Variants in TTN observed in about 807,000 individuals in gnomAD.
TTN encodes the protein connectin.
TTN carries 1,525 observed loss-of-function variants against 3,223.0 expected under a neutral mutation model. The observed-to-expected ratio is 0.47, with a 90% CI of 0.45 to 0.49. TTN has a LOEUF of 0.49. Ranked by LOEUF, TTN falls within the 20% of genes least tolerant of loss-of-function variation. The probability of loss-of-function intolerance (pLI) is 0.00; values close to 1 mark genes in which losing one functional copy is unlikely to be tolerated. For synonymous variants in TTN, 14,094 were observed against 15,161.0 expected, an observed-to-expected ratio of 0.93 and a Z score of 5.17; for missense variants, 40,786 against 43,424.0, an observed-to-expected ratio of 0.94 and a Z score of 5.40.
intron 54 of TTN, 58 bp from the exon 55 acceptor site, chr2:178,733,179 C>T: frequency 1.9e-6 from 3 of 1,557,200 alleles, no homozygotes; most frequent in Non-Finnish European, 2.6e-6. Context: ...CAGTGATTGA[C>T]TTTAGGCCAT....
In TTN at chr2:178,718,731, C is replaced by T. The variant is rs753025964; in HGVS notation, c.24469G>A (p.Gly8157Ser). Reference sequence around the variant, plus strand: ...AGATGTGTGGTACAGGAAGCACTGCCAGCATCATTTGTAACGAGGCAAGAA... The same window carrying T: ...AGATGTGTGGTACAGGAAGCACTGCTAGCATCATTTGTAACGAGGCAAGAA... Reference protein sequence around the residue: ...DYSCLVTNDAGSASCTTHLFV... With the variant: ...DYSCLVTNDASSASCTTHLFV... The change falls in exon 84 of 363, where the codon GGC becomes AGC. Residue 8157 changes from glycine (G) to serine (S), a missense_variant. Transcript: ENST00000589042. 1.5e-5 allele frequency: 24 copies of T among 1,613,710 alleles called. No homozygotes were observed. Among genetic ancestry groups the T allele is most frequent in the Non-Finnish European group, 2.0e-5 (24 of 1,179,732 alleles).
At position 178,570,116 on chromosome 2, in the gene TTN, T is replaced by C. The variant is rs1485371555; in HGVS notation, c.76016A>G (p.Tyr25339Cys). 1.2e-6 allele frequency: 2 copies of C among 1,613,438 alleles called. No individual in the cohort carries two copies. Among genetic ancestry groups the C allele is most frequent in the South Asian group, 1.1e-5 (1 of 91,068 alleles). ...ASDGGSEILGYVLEKRDKEGI... is the reference protein window; with the variant it reads ...ASDGGSEILGCVLEKRDKEGI... ...TTCTTTATCCCGTTTCTCAAGAACA[T>C]ATCCAAGAATTTCACTACCACCATC... Residue 25339 changes from tyrosine (Y) to cysteine (C), a missense_variant, in exon 326 of 363, where the codon TAT becomes TGT. Transcript: ENST00000589042.
rs746586991 is a variant in TTN at position 178,577,593 on chromosome 2, T to C, written c.68824+9A>G. 3.2e-6 allele frequency: 5 copies of C among 1,569,906 alleles called. No individual in the cohort carries two copies. The highest frequency in any genetic ancestry group is 3.4e-6 in the Non-Finnish European group (4 of 1,161,494). On this transcript the variant is annotated intron_variant, in intron 323 of 362. Coordinates refer to ENST00000589042, the MANE Select transcript of TTN (RefSeq NM_001267550.2). ...AAAAAAAAGTACATAAAAAGTAAAA[T>C]GGACCTACCGTATTCATCCTTGCAA...
At position 178,632,216 on chromosome 2, in the gene TTN, T is replaced by C. The variant is rs2059893136; in HGVS notation, c.43678A>G (p.Ile14560Val). The change falls in exon 236 of 363, where the codon ATT becomes GTT. Residue 14560 changes from isoleucine to valine, a missense_variant. Physicochemically the swap from Ile to Val is conservative, Grantham distance 29 (BLOSUM62 3). Transcript: ENST00000589042. ...ACTCTAATTTGGGAGGTGTCATCAA[T>C]AGACAGGTCTTTGAATGTGATCGAA... ...THSITFKDLSIDDTSQIRVEA... is the reference protein window; with the variant it reads ...THSITFKDLSVDDTSQIRVEA... 4.4e-6 allele frequency: 7 copies of C among 1,608,100 alleles called. No individual in the cohort carries two copies. The highest frequency in any genetic ancestry group is 1.1e-5 in the South Asian group (1 of 89,968).
intron 113 of TTN, 88 bp downstream of exon 113, chr2:178,697,033 T>G: frequency 1.7e-6 from 2 of 1,200,598 alleles, no homozygotes; most frequent in Non-Finnish European, 2.4e-6. Context: ...TTTCAATAAG[T>G]TGGAAGCCTA....
intron 198 of TTN, 30 bp from the exon 199 acceptor site, chr2:178,653,154 A>G: frequency 6.2e-7 from 1 of 1,609,388 alleles, no homozygotes; most frequent in African/African-American, 1.4e-5. Flanking sequence ...AATTACATTT[A>G]GGGGTTATGA....
At position 178,750,599 on chromosome 2, in the gene TTN, G is replaced by A. The variant is rs765947828; in HGVS notation, c.11311+2525C>T. 3 of 1,612,228 alleles carry A rather than the reference G, an allele frequency of 1.9e-6. No individual in the cohort carries two copies. The highest frequency in any genetic ancestry group is 3.3e-5 in the Admixed American group (2 of 59,742). On this transcript the variant is annotated intron_variant, in intron 47 of 362. Transcript: ENST00000589042. ...GCAACGTTGTGGGCGTTTTCGAAAAGAATTTTCAAAAAATCTCATGTTTTC... is the reference window on the plus strand; with the variant it reads ...GCAACGTTGTGGGCGTTTTCGAAAAAAATTTTCAAAAAATCTCATGTTTTC...
At chr2:178,768,583 T>G in intron 38 of TTN, 90 bp downstream of exon 38, 2 of 1,580,842 alleles carry the variant, frequency 1.3e-6, no homozygotes, top group Non-Finnish European at 1.7e-6. Flanking sequence ...CTATCCCACA[T>G]TTTATTTATC....
chr2:178,738,967 G>C (rs896094670), intron 48 of TTN, among the ~76,000 whole-genome samples, 174 bp downstream of exon 48: 4 of 151,990 alleles, frequency 2.6e-5, no homozygotes, highest in Non-Finnish European at 5.9e-5. Context: ...CACCCAACAG[G>C]GCAGTAAGGG....
chr2:178,621,120 C>G lies in TTN; in HGVS notation c.45598G>C (p.Ala15200Pro). ...AACTTACCAATGACTGTCAAGTGAG[C>G]TGCTGCTCTGGCGGCCCCTACCATG... is the stretch of plus-strand genomic sequence containing the variant. The part of the protein sequence containing the change: ...VVMVGAARAA[A>P]HLTVIEKLRI... Residue 15200 changes from alanine to proline, a missense_variant, in exon 246 of 363, where the codon GCT becomes CCT. Coordinates refer to ENST00000589042, the MANE Select transcript of TTN (RefSeq NM_001267550.2). The G allele has an allele frequency of 6.2e-7, 1 of 1,612,344 alleles. No individual in the cohort carries two copies. The highest frequency in any genetic ancestry group is 8.5e-7 in the Non-Finnish European group (1 of 1,179,184).
chr2:178,771,178 T>A, intron 34 of TTN, 33 bp downstream of exon 34: 1 of 1,613,250 alleles, frequency 6.2e-7, no homozygotes, highest in Non-Finnish European at 8.5e-7. Context: ...GATTGTAATA[T>A]GATTTGAAAA....
In TTN at chr2:178,632,392, G is replaced by C. The variant is rs115825044; in HGVS notation, c.43502C>G (p.Thr14501Ser). ...IIEGIRLKFLTPLKDVTAKEK... is the reference protein window; with the variant it reads ...IIEGIRLKFLSPLKDVTAKEK... Reference sequence around the variant, plus strand: ...TTTGGCAGTTACATCTTTGAGAGGGGTGAGGAATTTGAGCCGGATTCCTAT... The same window carrying C: ...TTTGGCAGTTACATCTTTGAGAGGGCTGAGGAATTTGAGCCGGATTCCTAT... Residue 14501 changes from threonine to serine, a missense_variant, in exon 236 of 363, where the codon ACC (threonine) becomes AGC (serine). By Grantham distance (58) the Thr-to-Ser change is moderately conservative. Transcript: ENST00000589042. The C allele has an allele frequency of 1.0e-4, 166 of 1,593,002 alleles. No homozygotes were observed. The African/African-American group carries it at 1.3e-3, about 12-fold the overall frequency.
intron 120 of TTN, among the ~76,000 whole-genome samples, 166 bp from the exon 121 acceptor site, chr2:178,692,265 T>C (rs529704592): frequency 6.6e-6 from 1 of 152,210 alleles, no homozygotes; most frequent in African/African-American, 2.4e-5. Context: ...CAACACCATA[T>C]AGACATTACA....
In TTN at chr2:178,714,089, G is replaced by A. The variant is rs1317672432; in HGVS notation, c.26569C>T (p.Pro8857Ser). 3 of 1,613,470 alleles carry A rather than the reference G, an allele frequency of 1.9e-6. No homozygotes were observed. The part of the protein sequence containing the change: ...CTLECTVAGT[P>S]ELSTKWFKDG... ...TTAAACCACTTAGTACTGAGTTCAG[G>A]GGTGCCAGCTACTGTACACTCCAAG... The change falls in exon 92 of 363, where the codon CCT becomes TCT. Residue 8857 changes from proline (P) to serine (S), a missense_variant. Physicochemically the swap from Pro to Ser is moderately conservative, Grantham distance 74. Coordinates refer to ENST00000589042, the MANE Select transcript of TTN (RefSeq NM_001267550.2).
chr2:178,799,195 C>T (rs958730232), intron 6 of TTN: 2 of 407,066 alleles, frequency 4.9e-6, no homozygotes, highest in Non-Finnish European at 9.2e-6. Context: ...GCCTTCCCGC[C>T]CAAATGTTGC....
Position 178,774,243 on chromosome 2 carries a change from C to A in TTN, c.7021G>T (p.Asp2341Tyr), listed in dbSNP as rs781736462. The stretch of plus-strand genomic sequence containing the variant: ...AATTTACAGGTTGTCTTTTTCCCGT[C>A]GATGACAAAGCTGTATTCTCCCTGG... ...EDQGEYSFVI[D>Y]GKKTTCKLKM... The change falls in exon 30 of 363, where the codon GAC becomes TAC. Residue 2341 changes from aspartate to tyrosine, a missense_variant. Coordinates refer to ENST00000589042, the MANE Select transcript of TTN (RefSeq NM_001267550.2). The A allele has an allele frequency of 7.4e-6, 12 of 1,614,050 alleles. No individual in the cohort carries two copies. The highest frequency in any genetic ancestry group is 5.0e-5 in the Admixed American group (3 of 60,004).
Position 178,552,531 on chromosome 2 carries a change from T to C in TTN, c.90369A>G (p.Lys30123=). 6.2e-7 allele frequency: 1 copy of C among 1,613,794 alleles called. No homozygotes were observed. Among genetic ancestry groups the C allele is most frequent in the East Asian group, 2.2e-5 (1 of 44,812 alleles). ...CAACTTCAGGTGTAATAATAAGTTCTTTCACTGTAATTGGCCCAATAGTGA... is the reference window on the plus strand; with the variant it reads ...CAACTTCAGGTGTAATAATAAGTTCCTTCACTGTAATTGGCCCAATAGTGA... ...DPVTIGPITV[K]ELIITPEVDL... The change falls in exon 335 of 363, where the codon AAA becomes AAG. Residue 30123 remains lysine (K), a synonymous_variant. Transcript: ENST00000589042.
At chr2:178,791,750 T>C (rs1219251550) in intron 10 of TTN, among the ~76,000 whole-genome samples, 2 of 151,854 alleles carry the variant, frequency 1.3e-5, no homozygotes, top group East Asian at 3.9e-4. Flanking sequence ...GCTTAGGCTA[T>C]GCACGAAGAA....
Position 178,604,181 on chromosome 2 carries a change from G to A in TTN, c.54506C>T (p.Pro18169Leu). 3 of 1,612,088 alleles carry A rather than the reference G, an allele frequency of 1.9e-6. No individual in the cohort carries two copies. The highest frequency in any genetic ancestry group is 1.7e-6 in the Non-Finnish European group (2 of 1,178,884). ...TGCCAAAACTTTTGGTTTTCCTGGA[G>A]GTCCAGGAAGGCGATAAGGATCTTG... Reference protein sequence around the residue: ...VIQDPYRLPGPPGKPKVLART... With the variant: ...VIQDPYRLPGLPGKPKVLART... The change falls in exon 282 of 363, where the codon CCT (proline) becomes CTT (leucine). Residue 18169 changes from proline (P) to leucine (L), a missense_variant. Pro to Leu is a moderately conservative substitution (Grantham distance 98, BLOSUM62 -3). Coordinates refer to ENST00000589042, the MANE Select transcript of TTN (RefSeq NM_001267550.2).
Sources: allele counts gnomAD v4.1 joint callset (sites outside exome capture counted in the v4.1 genomes callset), GRCh38; gene constraint gnomAD v4.1.1; transcripts MANE v1.5; gene names NCBI Gene and HGNC (gene_info 2026-07-23, HGNC 2026-07-21).